The following DOK5 variants were observed in gnomAD, a reference collection of about 807,000 sequenced individuals.
DOK5 encodes the protein docking protein 5, also known as downstream of tyrosine kinase 5.
Under a neutral mutation model 43.3 loss-of-function variants are expected in DOK5, and 27 were observed. The observed-to-expected ratio is 0.62, with a 90% CI of 0.46 to 0.86. The LOEUF is 0.86. Ranked by LOEUF, DOK5 falls within the 40% of genes least tolerant of loss-of-function variation. The pLI is 0.00. For synonymous variants in DOK5, 146 were observed against 140.1 expected (o/e 1.04, Z -0.30); for missense variants, 373 against 392.9 (o/e 0.95, Z 0.43).
chr20:54,585,844 G>A (rs971124760), intron 2 of DOK5, among the ~76,000 whole-genome samples: 2 of 152,168 alleles, frequency 1.3e-5, no homozygotes, highest in African/African-American at 4.8e-5. Flanking sequence ...AATGCTGGCC[G>A]GGTGCAGTGG....
chr20:54,489,701 C>T (rs55745150), intron 1 of DOK5, among the ~76,000 whole-genome samples: 9,619 of 152,118 alleles, frequency 0.063, 375 homozygotes, highest in Non-Finnish European at 0.088. Flanking sequence ...CTCACACAGC[C>T]TTATGTGTAA....
chr20:54,612,691 T>G (rs190085119), intron 6 of DOK5, among the ~76,000 whole-genome samples: 20 of 152,322 alleles, frequency 1.3e-4, no homozygotes, highest in Admixed American at 9.8e-4. Context: ...GCCTTCAGAC[T>G]GCATATCTTG....
At chr20:54,492,986 C>T (rs1181528121) in intron 1 of DOK5, among the ~76,000 whole-genome samples, 8 of 138,078 alleles carry the variant, frequency 5.8e-5, no homozygotes, top group South Asian at 2.4e-4. Context: ...CCCCAGGAGG[C>T]GGAGGTTGCA....
At chr20:54,520,772 C>A (rs1323097887) in intron 1 of DOK5, among the ~76,000 whole-genome samples, 1 of 151,952 alleles carries the variant, frequency 6.6e-6, no homozygotes, top group Admixed American at 6.6e-5. Flanking sequence ...AGCAACAAAG[C>A]AAAACCCTGT....
intron 2 of DOK5, among the ~76,000 whole-genome samples, chr20:54,584,073 C>G (rs1393247149): frequency 6.6e-6 from 1 of 151,960 alleles, no homozygotes; most frequent in Non-Finnish European, 1.5e-5. Flanking sequence ...TTGCTTGAAC[C>G]CAGGAGGCAG....
chr20:54,548,860 A>G (rs2146722892), intron 1 of DOK5, among the ~76,000 whole-genome samples: 1 of 152,312 alleles, frequency 6.6e-6, no homozygotes, highest in East Asian at 1.9e-4. Flanking sequence ...CAATACTGAG[A>G]TATTTAGGAT....
At chr20:54,581,586 T>G (rs1216957939) in intron 2 of DOK5, among the ~76,000 whole-genome samples, 1 of 152,006 alleles carries the variant, frequency 6.6e-6, no homozygotes, top group Non-Finnish European at 1.5e-5. Flanking sequence ...TAGTTTTCAG[T>G]GTACAAATAT....
At chr20:54,532,013 T>C (rs976696339) in intron 1 of DOK5, among the ~76,000 whole-genome samples, 3 of 152,216 alleles carry the variant, frequency 2.0e-5, no homozygotes, top group African/African-American at 7.2e-5. Flanking sequence ...CAAGCATTTG[T>C]TGAATACCTA....
chr20:54,614,705 T>G (rs1986752673), intron 6 of DOK5, among the ~76,000 whole-genome samples: 1 of 152,230 alleles, frequency 6.6e-6, no homozygotes, highest in South Asian at 2.1e-4. Flanking sequence ...TAATGGGTTC[T>G]ATAAAATAAA....
At position 54,513,460 on chromosome 20, in the gene DOK5, A is replaced by G. The variant is rs1230068704; in HGVS notation, c.66+37448A>G. On this transcript the variant is annotated intron_variant, in intron 1 of 7. Coordinates refer to ENST00000262593, the MANE Select transcript of DOK5 (RefSeq NM_018431.5). The stretch of plus-strand genomic sequence containing the variant: ...TTGCTTGTTTGCTTTAAATACTCTG[A>G]GCAAAAAAAAAAAAAAAAAAAAAAA... 5.2e-5 allele frequency among the ~76,000 whole-genome samples: 7 copies of G among 134,054 alleles called. No homozygotes were observed. In the Admixed American group the frequency reaches 5.4e-4, roughly 10 times the overall value. 87.9% of individuals were successfully genotyped at this position (134,054 alleles called of 152,430 possible).
intron 6 of DOK5, among the ~76,000 whole-genome samples, chr20:54,643,205 C>G (rs1007688651): frequency 3.3e-5 from 5 of 152,184 alleles, no homozygotes; most frequent in African/African-American, 9.6e-5. Context: ...ACTAGAGGGA[C>G]TTAGCTGGGT....
chr20:54,547,419 T>C (rs1307603493), intron 1 of DOK5, among the ~76,000 whole-genome samples: 1 of 152,202 alleles, frequency 6.6e-6, no homozygotes, highest in African/African-American at 2.4e-5. Context: ...CCTTTAGAAG[T>C]ATAATTGTTA....
chr20:54,503,757 T>C (rs961953873), intron 1 of DOK5, among the ~76,000 whole-genome samples: 2 of 152,298 alleles, frequency 1.3e-5, no homozygotes, highest in East Asian at 3.9e-4. Flanking sequence ...CTTTTGCACT[T>C]GTAGGAACCT....
chr20:54,650,541 G>T lies in DOK5; in HGVS notation c.*62G>T. 6.6e-7 allele frequency: 1 copy of T among 1,508,484 alleles called. No individual in the cohort carries two copies. The highest frequency in any genetic ancestry group is 9.2e-7 in the Non-Finnish European group (1 of 1,090,812). 93.4% of individuals were successfully genotyped at this position (1,508,484 alleles called of 1,614,324 possible). A position where few individuals can be genotyped will look rare whatever the true frequency, so the allele number is the denominator to read the frequency against. Reference sequence around the variant, plus strand: ...TGTCAGCCACAGATTCACCCAGGAGGTCACAGAATGACAGCAAGGGAAATG... The same window carrying T: ...TGTCAGCCACAGATTCACCCAGGAGTTCACAGAATGACAGCAAGGGAAATG... On this transcript the variant is annotated 3_prime_UTR_variant, in exon 8 of 8. Coordinates refer to ENST00000262593, the MANE Select transcript of DOK5 (RefSeq NM_018431.5).
At chr20:54,527,351 C>G (rs1261308820) in intron 1 of DOK5, among the ~76,000 whole-genome samples, 2 of 152,080 alleles carry the variant, frequency 1.3e-5, no homozygotes, top group Non-Finnish European at 2.9e-5. Context: ...CATTCATGTG[C>G]TTAGGATTTT....
At position 54,643,677 on chromosome 20, in the gene DOK5, A is replaced by T. The variant is rs902107449; in HGVS notation, c.856+99A>T. On this transcript the variant is annotated intron_variant, in intron 7 of 7. Transcript: ENST00000262593. ...CGCAGCTGCTGCATGCCAGCTGGTT[A>T]GTGCCCTTCCTCCAAAGGTAGGACC... The T allele has an allele frequency of 2.7e-6, 4 of 1,455,626 alleles. No homozygotes were observed. In the African/African-American group the frequency reaches 4.2e-5, roughly 15 times the overall value. 90.2% of individuals were successfully genotyped at this position (1,455,626 alleles called of 1,614,324 possible).
intron 2 of DOK5, among the ~76,000 whole-genome samples, chr20:54,587,431 GAAC>G (rs11467428): frequency 0.061 from 9,322 of 152,158 alleles, 313 homozygotes; most frequent in Middle Eastern, 0.099. Flanking sequence ...GAGAGAAACG[GAAC>G]AACATCATTG....
intron 6 of DOK5, among the ~76,000 whole-genome samples, chr20:54,621,487 G>A (rs1364303913): frequency 6.6e-6 from 1 of 151,900 alleles, no homozygotes; most frequent in African/African-American, 2.4e-5. Flanking sequence ...AGGTCAGGAG[G>A]TTGAGACCAG....
At chr20:54,548,385 A>C (rs1984416424) in intron 1 of DOK5, among the ~76,000 whole-genome samples, 1 of 151,244 alleles carries the variant, frequency 6.6e-6, no homozygotes, top group Non-Finnish European at 1.5e-5. Flanking sequence ...ACAGGCATGC[A>C]CTACCACACC....
Sources: gnomAD v4.1 joint callset for allele counts (sites outside exome capture counted in the v4.1 genomes callset) on GRCh38, gnomAD v4.1.1 for gene constraint, MANE v1.5 for transcripts, NCBI Gene and HGNC (gene_info 2026-07-23, HGNC 2026-07-21) for gene names.